Variants in ABI2 observed in about 807,000 individuals in gnomAD.
ABI2 encodes the protein abl interactor 2.
In ABI2, 25 loss-of-function variants were observed where a neutral mutation model predicts 59.2. The observed-to-expected ratio is 0.42, with a 90% CI of 0.31 to 0.59. ABI2 has a LOEUF of 0.59. Among genes scored for constraint, ABI2 ranks in the 20% least tolerant of loss-of-function variants. ABI2 has a pLI of 0.14. For synonymous variants in ABI2, 213 were observed against 235.5 expected, an observed-to-expected ratio of 0.90 and a Z score of 0.87; for missense variants, 545 against 681.8, an observed-to-expected ratio of 0.80 and a Z score of 2.23.
chr2:203,416,845 T>A, intron 10 of ABI2, 63 bp from the exon 11 acceptor site: 1 of 1,461,090 alleles, frequency 6.8e-7, no homozygotes, highest in Non-Finnish European at 9.1e-7. Flanking sequence ...CCCAGAAGCT[T>A]GGATAGGAAA....
intron 5 of ABI2, among the ~76,000 whole-genome samples, chr2:203,392,634 A>G (rs926236343): frequency 6.6e-6 from 1 of 152,186 alleles, no homozygotes; most frequent in African/African-American, 2.4e-5. Context: ...CGGGGTAGAG[A>G]GATGAAGAGG....
At chr2:203,343,746 ATATGT>A (rs1440703978) in intron 1 of ABI2, among the ~76,000 whole-genome samples, 2 of 152,216 alleles carry the variant, frequency 1.3e-5, no homozygotes, top group South Asian at 2.1e-4. Context: ...TCTGACAAAA[ATATGT>A]TAATTAAATC....
At chr2:203,401,062 G>GAGT (rs2097198639) in intron 8 of ABI2, among the ~76,000 whole-genome samples, 1 of 152,070 alleles carries the variant, frequency 6.6e-6, no homozygotes, top group African/African-American at 2.4e-5. Context: ...ATGGATAGAT[G>GAGT]AGTGTGCCAG....
intron 7 of ABI2, 29 bp from the exon 8 acceptor site, chr2:203,396,755 AT>A: frequency 1.3e-6 from 2 of 1,497,336 alleles, no homozygotes; most frequent in South Asian, 2.6e-5. Context: ...TGCCTCATTA[AT>A]GCTGCCTCTT....
At chr2:203,390,054 C>T (rs946073856) in intron 4 of ABI2, among the ~76,000 whole-genome samples, 3 of 152,118 alleles carry the variant, frequency 2.0e-5, no homozygotes, top group Non-Finnish European at 2.9e-5. Context: ...TGCCTGTGGC[C>T]CTTGTGCTGC....
rs2070051162 is a variant in ABI2 at position 203,328,625 on chromosome 2, C to T, written c.111C>T (p.Tyr37=). 6.3e-7 allele frequency: 1 copy of T among 1,583,640 alleles called. No individual in the cohort carries two copies. The highest frequency in any genetic ancestry group is 8.6e-7 in the Non-Finnish European group (1 of 1,166,390). ...ERVADYCENN[Y]IQSADKQRAL... is the part of the protein sequence containing the mutation. Reference sequence around the variant, plus strand: ...TGGCCGATTACTGCGAGAACAACTACATACAGGTGCGAAGCATCCCCAGCT... The same window carrying T: ...TGGCCGATTACTGCGAGAACAACTATATACAGGTGCGAAGCATCCCCAGCT... Residue 37 remains tyrosine (Y), a synonymous_variant, in exon 1 of 12, where the codon TAC becomes TAT. Transcript: ENST00000261018.
chr2:203,333,076 T>A (rs529180058), intron 1 of ABI2, among the ~76,000 whole-genome samples: 1 of 152,286 alleles, frequency 6.6e-6, no homozygotes, highest in East Asian at 1.9e-4. Context: ...ACTAAAAACT[T>A]CATGAGAGGT....
chr2:203,386,504 T>C (rs1388925322), intron 4 of ABI2: 5 of 632,116 alleles, frequency 7.9e-6, no homozygotes, highest in Non-Finnish European at 9.8e-6. Context: ...TCCTGTTCTT[T>C]TAAAACTTAA....
chr2:203,401,387 G>A (rs1032435694), intron 8 of ABI2, among the ~76,000 whole-genome samples: 2 of 151,544 alleles, frequency 1.3e-5, no homozygotes, highest in Non-Finnish European at 2.9e-5. Flanking sequence ...CTTCTCCCTT[G>A]TCTGCTATTG....
intron 1 of ABI2, chr2:203,351,508 A>G (rs527518388): frequency 5.0e-5 from 20 of 401,536 alleles, no homozygotes; most frequent in South Asian, 3.2e-4. Context: ...TCTTTCAATG[A>G]TGTTTTGTAG....
intron 5 of ABI2, among the ~76,000 whole-genome samples, chr2:203,391,711 C>T (rs1189144826): frequency 2.0e-5 from 3 of 151,052 alleles, no homozygotes; most frequent in Non-Finnish European, 2.9e-5. Context: ...GTCCCAGCTA[C>T]TTGCGAGGCT....
chr2:203,418,391 C>T (rs570067813), intron 11 of ABI2, among the ~76,000 whole-genome samples: 5 of 152,354 alleles, frequency 3.3e-5, no homozygotes, highest in African/African-American at 4.8e-5. Flanking sequence ...AAGGTATCAG[C>T]TGAGGCTGCA....
rs143622224 is a variant in ABI2, at chr2:203,406,820, C to T, written c.1192+4086C>T. On this transcript the variant is annotated intron_variant, in intron 9 of 11. Coordinates refer to ENST00000261018, the MANE Select transcript of ABI2 (RefSeq NM_001375670.1). Reference sequence around the variant, plus strand: ...TTGGAACTACAGGTGTGTGCCACCACGCCTGGCTCTTTTTTTTTCTTTAAT... The same window carrying T: ...TTGGAACTACAGGTGTGTGCCACCATGCCTGGCTCTTTTTTTTTCTTTAAT... 2.2e-4 allele frequency among the ~76,000 whole-genome samples: 33 copies of T among 152,226 alleles called. No homozygotes were observed. The East Asian group carries it at 6.0e-3, about 28-fold the overall frequency.
intron 11 of ABI2, among the ~76,000 whole-genome samples, 154 bp downstream of exon 11, chr2:203,417,235 A>G (rs139380718): frequency 6.6e-6 from 1 of 152,248 alleles, no homozygotes; most frequent in African/African-American, 2.4e-5. Context: ...CATGATTTTG[A>G]AAGTTACACT....
Position 203,371,747 on chromosome 2 carries a change from A to G in ABI2, c.285+4703A>G, listed in dbSNP as rs375893873. On this transcript the variant is annotated intron_variant, in intron 2 of 11. Coordinates refer to ENST00000261018, the MANE Select transcript of ABI2 (RefSeq NM_001375670.1). ...TTACTGAATACTTGTACAGGTACAC[A>G]TACCTTTAAGTCAGTATAGTGTAAC... is the stretch of plus-strand genomic sequence containing the variant. Among the ~76,000 whole-genome samples the G allele has an allele frequency of 3.1e-4, 47 of 152,284 alleles. No individual in the cohort carries two copies. In the East Asian group the frequency reaches 6.2e-3, roughly 20 times the overall value.
intron 4 of ABI2, among the ~76,000 whole-genome samples, chr2:203,385,139 C>CTTTTTTTTATTTTTTTTTTT (rs2096429364): frequency 1.4e-5 from 1 of 69,938 alleles, no homozygotes; most frequent in Non-Finnish European, 2.9e-5. Context: ...GGCTCAGATT[C>CTTTTTTTTATTTTTTTTTTT]TTTTTTTTTT....
At chr2:203,331,006 A>C (rs2072916688) in intron 1 of ABI2, among the ~76,000 whole-genome samples, 1 of 152,238 alleles carries the variant, frequency 6.6e-6, no homozygotes, top group Non-Finnish European at 1.5e-5. Context: ...TTTAAAATTT[A>C]AAGCATAAAT....
At chr2:203,332,422 C>T (rs1212329865) in intron 1 of ABI2, among the ~76,000 whole-genome samples, 2 of 151,964 alleles carry the variant, frequency 1.3e-5, no homozygotes. Flanking sequence ...ATCAGGAGAT[C>T]CAGACCATCC....
chr2:203,338,954 A>G (rs1188460157), intron 1 of ABI2, among the ~76,000 whole-genome samples: 124 of 5,590 alleles, frequency 0.022, 6 homozygotes, highest in African/African-American at 0.06. Flanking sequence ...ATATATATAT[A>G]TATATATAAA....
Sources: gnomAD v4.1 joint callset for allele counts (sites outside exome capture counted in the v4.1 genomes callset) on GRCh38, gnomAD v4.1.1 for gene constraint, MANE v1.5 for transcripts, NCBI Gene and HGNC (gene_info 2026-07-23, HGNC 2026-07-21) for gene names.